The following CACNA1D variants were observed in gnomAD, a reference collection of about 807,000 sequenced individuals.
CACNA1D encodes voltage-dependent L-type calcium channel subunit alpha-1D.
CACNA1D carries 55 observed loss-of-function variants against 257.1 expected under a neutral mutation model. That is an observed-to-expected ratio of 0.21 (90% CI 0.17 to 0.27). The LOEUF is 0.27. CACNA1D is among the 10% of genes least tolerant of loss of function. CACNA1D has a pLI of 1.00. For synonymous variants in CACNA1D, 980 were observed against 1,014.9 expected, an observed-to-expected ratio of 0.97 and a Z score of 0.65; for missense variants, 1,876 against 2,784.0, an observed-to-expected ratio of 0.67 and a Z score of 7.34.
chr3:53,611,776 G>T (rs1174358108), intron 3 of CACNA1D, among the ~76,000 whole-genome samples: 1 of 152,058 alleles, frequency 6.6e-6, no homozygotes, highest in African/African-American at 2.4e-5. Context: ...CTAGTTCAAG[G>T]ATAAGCAAAT....
chr3:53,698,571 C>T (rs1441214401), intron 8 of CACNA1D, among the ~76,000 whole-genome samples: 1 of 152,196 alleles, frequency 6.6e-6, no homozygotes, highest in African/African-American at 2.4e-5. Context: ...ATTTTCCCTT[C>T]ATCTCATCCT....
chr3:53,542,156 T>C (rs1351534962), intron 3 of CACNA1D, among the ~76,000 whole-genome samples: 1 of 152,150 alleles, frequency 6.6e-6, no homozygotes, highest in Non-Finnish European at 1.5e-5. Context: ...ATGTGAATTA[T>C]GTTTCAATGA....
In CACNA1D at chr3:53,541,544, G is replaced by C. The variant is rs185044521; in HGVS notation, c.483+39824G>C. 1.9e-3 allele frequency among the ~76,000 whole-genome samples: 297 copies of C among 152,308 alleles called. 1 individual carries two copies. Among genetic ancestry groups the C allele is most frequent in the African/African-American group, 6.6e-3 (274 of 41,568 alleles). On this transcript the variant is annotated intron_variant, in intron 3 of 47. Transcript: ENST00000350061. The stretch of plus-strand genomic sequence containing the variant: ...GTGACTGTCGATGCTCTTTGTGACA[G>C]CTAACGTGAGGGCTCTCCGGCTCCT...
intron 29 of CACNA1D, among the ~76,000 whole-genome samples, chr3:53,759,832 G>A (rs1225128648): frequency 6.6e-6 from 1 of 152,244 alleles, no homozygotes; most frequent in African/African-American, 2.4e-5. Flanking sequence ...CTTACAACCT[G>A]AGGCTAGCTC....
chr3:53,749,042 G>GAACA (rs2095199807), intron 26 of CACNA1D: 3 of 681,494 alleles, frequency 4.4e-6, no homozygotes, highest in Non-Finnish European at 8.0e-6. Context: ...CAGTTCCTCA[G>GAACA]AACAGTCCCT....
At chr3:53,684,233 T>G (rs60529666) in intron 8 of CACNA1D, among the ~76,000 whole-genome samples, 37,041 of 152,092 alleles carry the variant, frequency 0.24, 5,019 homozygotes, top group Middle Eastern at 0.38. Context: ...TAAGAATTGG[T>G]CACCAACAAA....
intron 3 of CACNA1D, among the ~76,000 whole-genome samples, chr3:53,526,993 T>C (rs1435017221): frequency 1.3e-5 from 2 of 152,242 alleles, no homozygotes; most frequent in African/African-American, 4.8e-5. Context: ...TTTTGAGAAC[T>C]GCATCTTCAT....
intron 3 of CACNA1D, among the ~76,000 whole-genome samples, chr3:53,646,630 G>A (rs1406657677): frequency 6.6e-6 from 1 of 152,302 alleles, no homozygotes; most frequent in East Asian, 1.9e-4. Context: ...GGGAGAGGGG[G>A]ACTTCTGGCA....
intron 3 of CACNA1D, among the ~76,000 whole-genome samples, chr3:53,507,089 A>AAAAAC (rs2090885908): frequency 6.7e-6 from 1 of 150,176 alleles, no homozygotes; most frequent in Non-Finnish European, 1.5e-5. Flanking sequence ...AAAAAAAAAA[A>AAAAAC]AAAACAAAAA....
chr3:53,622,015 T>C (rs1559929693), intron 3 of CACNA1D, among the ~76,000 whole-genome samples: 1 of 152,096 alleles, frequency 6.6e-6, no homozygotes, highest in African/African-American at 2.4e-5. Flanking sequence ...TCGGAGGGGC[T>C]GTACAATGGT....
intron 3 of CACNA1D, among the ~76,000 whole-genome samples, chr3:53,540,571 T>C (rs960289476): frequency 6.6e-5 from 10 of 152,060 alleles, no homozygotes; most frequent in Non-Finnish European, 1.5e-4. Flanking sequence ...TTAAAAAAAG[T>C]CTTATATCTT....
intron 5 of CACNA1D, among the ~76,000 whole-genome samples, chr3:53,660,912 G>A (rs1484820297): frequency 6.6e-5 from 10 of 152,208 alleles, no homozygotes; most frequent in Non-Finnish European, 1.2e-4. Flanking sequence ...GCTCTCAGTG[G>A]GTGAGAGAGA....
intron 3 of CACNA1D, among the ~76,000 whole-genome samples, chr3:53,642,680 G>A (rs1293280487): frequency 6.6e-6 from 1 of 152,236 alleles, no homozygotes; most frequent in Admixed American, 6.5e-5. Context: ...TTGAAGCTGG[G>A]CTCCGTAGAG....
At chr3:53,611,339 TTGCACCAC>T (rs2093580723) in intron 3 of CACNA1D, among the ~76,000 whole-genome samples, 1 of 152,170 alleles carries the variant, frequency 6.6e-6, no homozygotes, top group Non-Finnish European at 1.5e-5. Context: ...TGAGTCATGA[TTGCACCAC>T]TGCACTCCAG....
intron 27 of CACNA1D, 82 bp downstream of exon 27, chr3:53,749,551 C>A: frequency 1.1e-6 from 1 of 947,360 alleles, no homozygotes; most frequent in East Asian, 2.4e-5. Context: ...CCCCCATACC[C>A]AGAGAAGGGC....
At chr3:53,810,748 A>C (rs1576755113) in intron 47 of CACNA1D, among the ~76,000 whole-genome samples, 2 of 116,490 alleles carry the variant, frequency 1.7e-5, no homozygotes, top group Non-Finnish European at 1.7e-5. Context: ...ACAGAGCGAG[A>C]CTCTTGTCTC....
chr3:53,705,939 C>G (rs2094684222), intron 9 of CACNA1D, among the ~76,000 whole-genome samples: 1 of 152,214 alleles, frequency 6.6e-6, no homozygotes, highest in East Asian at 1.9e-4. Flanking sequence ...ATAAACAGTC[C>G]TGGATTCACC....
chr3:53,714,232 G>A (rs1447840503), intron 9 of CACNA1D, among the ~76,000 whole-genome samples: 1 of 152,148 alleles, frequency 6.6e-6, no homozygotes, highest in African/African-American at 2.4e-5. Context: ...TCTACAGTAG[G>A]GGACTGGCAC....
chr3:53,523,433 A>G (rs1019266781), intron 3 of CACNA1D, among the ~76,000 whole-genome samples: 32 of 152,272 alleles, frequency 2.1e-4, no homozygotes, highest in Admixed American at 2.0e-3. Flanking sequence ...ATTATAGACC[A>G]GAAATGAGTC....
Sources: gnomAD v4.1 joint callset for allele counts (sites outside exome capture counted in the v4.1 genomes callset) on GRCh38, gnomAD v4.1.1 for gene constraint, MANE v1.5 for transcripts, NCBI Gene and HGNC (gene_info 2026-07-23, HGNC 2026-07-21) for gene names.